The following ITPR2 variants were observed in gnomAD, a reference collection of about 807,000 sequenced individuals.
The protein encoded by ITPR2 is inositol 1,4,5-trisphosphate-gated calcium channel ITPR2.
In ITPR2, 207 loss-of-function variants were observed where a neutral mutation model predicts 317.1. The ratio of observed to expected loss-of-function variants is 0.65; its 90% CI spans 0.58 to 0.73. The LOEUF (loss-of-function observed/expected upper bound fraction) is 0.73, where lower values mean the gene tolerates loss of function less well. Ranked by LOEUF, ITPR2 falls within the 30% of genes least tolerant of loss-of-function variation. The probability of loss-of-function intolerance (pLI) is 0.00; values close to 1 mark genes in which losing one functional copy is unlikely to be tolerated. For missense variants in ITPR2, 2,613 were observed against 3,284.0 expected (o/e 0.80, Z 4.99); for synonymous variants, 1,156 against 1,149.1 (o/e 1.01, Z -0.12).
intron 36 of ITPR2, among the ~76,000 whole-genome samples, chr12:26,554,493 CCA>C (rs1023399768): frequency 1.3e-5 from 2 of 152,160 alleles, no homozygotes; most frequent in African/African-American, 4.8e-5. Context: ...ACTGATTCTG[CCA>C]CAGTGGCATG....
chr12:26,539,512 G>T (rs1228324824), intron 37 of ITPR2, among the ~76,000 whole-genome samples: 1 of 152,070 alleles, frequency 6.6e-6, no homozygotes, highest in Non-Finnish European at 1.5e-5. Context: ...GTTCCTACTG[G>T]ATCCAGGACG....
chr12:26,702,978 A>G (rs1948478481), intron 9 of ITPR2, among the ~76,000 whole-genome samples: 7 of 152,238 alleles, frequency 4.6e-5, no homozygotes, highest in Admixed American at 4.6e-4. Context: ...AATTTCCAGC[A>G]TATCAAATGG....
Position 26,578,795 on chromosome 12 carries a change from G to T in ITPR2, c.4548C>A (p.Ala1516=). ...QPVFIQLLQS[A]FRIYNCTWPN... Reference sequence around the variant, plus strand: ...GCCAGGTGCAATTGTAAATTCTGAAGGCAGATTGCAGTAGCTGAATAAAAA... The same window carrying T: ...GCCAGGTGCAATTGTAAATTCTGAATGCAGATTGCAGTAGCTGAATAAAAA... The change falls in exon 34 of 57, where the codon GCC becomes GCA. Residue 1516 remains alanine, a synonymous_variant. Coordinates refer to ENST00000381340, the MANE Select transcript of ITPR2 (RefSeq NM_002223.4). 6.2e-7 allele frequency: 1 copy of T among 1,610,356 alleles called. No individual in the cohort carries two copies. Among genetic ancestry groups the T allele is most frequent in the Non-Finnish European group, 8.5e-7 (1 of 1,177,288 alleles).
Position 26,621,183 on chromosome 12 carries a change from G to A in ITPR2, c.3402C>T (p.Ser1134=), listed in dbSNP as rs774212387. 14 of 1,613,652 alleles carry A rather than the reference G, an allele frequency of 8.7e-6. No homozygotes were observed. Among genetic ancestry groups the A allele is most frequent in the African/African-American group, 1.3e-5 (1 of 74,870 alleles). ...EKSELWVEKS[S]NYENGEIGES... is the part of the protein sequence containing the mutation. ...CCCCTATTTCTCCATTCTCATAGTT[G>A]CTGCTCTTCTCCACCCATAGCTCAG... is the stretch of plus-strand genomic sequence containing the variant. Residue 1134 remains serine (S), a synonymous_variant, in exon 26 of 57, where the codon AGC becomes AGT. Transcript: ENST00000381340.
chr12:26,787,198 G>A (rs1950270187), intron 2 of ITPR2, among the ~76,000 whole-genome samples: 2 of 152,218 alleles, frequency 1.3e-5, no homozygotes, highest in Admixed American at 1.3e-4. Context: ...CATAAACAAT[G>A]CATCATGGGA....
chr12:26,387,388 T>C, intron 55 of ITPR2, 46 bp downstream of exon 55: 1 of 1,578,292 alleles, frequency 6.3e-7, no homozygotes. Context: ...GATGAAAGCC[T>C]AAAAGATACA....
chr12:26,565,519 TAGATAGATAGAC>T (rs1397349549), intron 34 of ITPR2, among the ~76,000 whole-genome samples: 13 of 135,582 alleles, frequency 9.6e-5, no homozygotes, highest in Admixed American at 5.1e-4. Context: ...GATAGATAGA[TAGATAGATAGAC>T]AGACAGACAG....
At chr12:26,487,682 T>C (rs1373640853) in intron 39 of ITPR2, among the ~76,000 whole-genome samples, 1 of 152,220 alleles carries the variant, frequency 6.6e-6, no homozygotes. Context: ...CAATCCTTGT[T>C]CTCATGAGTT....
rs192671101 is a variant in ITPR2, at chr12:26,435,888, T to C, written c.6769+333A>G. Among the ~76,000 whole-genome samples the C allele has an allele frequency of 7.2e-5, 11 of 152,254 alleles. No individual in the cohort carries two copies. The East Asian group carries it at 2.1e-3, about 29-fold the overall frequency. On this transcript the variant is annotated intron_variant, in intron 48 of 56. Coordinates refer to ENST00000381340, the MANE Select transcript of ITPR2 (RefSeq NM_002223.4). ...AACGCCAGTATTTAGGTAACAACAA[T>C]TAATATTGGGCACAGAACTGTCATT... is the stretch of plus-strand genomic sequence containing the variant.
At chr12:26,814,286 T>C (rs1367315119) in intron 1 of ITPR2, among the ~76,000 whole-genome samples, 1 of 152,124 alleles carries the variant, frequency 6.6e-6, no homozygotes, top group Non-Finnish European at 1.5e-5. Context: ...AATCACAAGG[T>C]TCTCTTTTGG....
At chr12:26,827,201 C>A (rs1353504506) in intron 1 of ITPR2, among the ~76,000 whole-genome samples, 1 of 152,180 alleles carries the variant, frequency 6.6e-6, no homozygotes, top group Non-Finnish European at 1.5e-5. Context: ...ACAAGTATTT[C>A]TTAAATTGAT....
intron 5 of ITPR2, among the ~76,000 whole-genome samples, chr12:26,722,034 T>C (rs1285110103): frequency 2.0e-5 from 3 of 152,188 alleles, no homozygotes; most frequent in Admixed American, 1.3e-4. Flanking sequence ...ACTCCATTAA[T>C]TCAAAGGGCA....
chr12:26,575,646 A>G (rs1422010621), intron 34 of ITPR2, among the ~76,000 whole-genome samples: 1 of 152,226 alleles, frequency 6.6e-6, no homozygotes, highest in South Asian at 2.1e-4. Context: ...AAAAGGAACT[A>G]AAATTTCCTC....
chr12:26,790,168 T>C lies in ITPR2; in HGVS notation c.152A>G (p.Lys51Arg). 6.2e-7 allele frequency: 1 copy of C among 1,612,386 alleles called. No homozygotes were observed. Among genetic ancestry groups the C allele is most frequent in the Non-Finnish European group, 8.5e-7 (1 of 1,178,410 alleles). ...PEAGDLANPP[K>R]KFRDCLFKVC... ...TATGTATTTCTTACCTCTGAACTTC[T>C]TGGGAGGGTTGGCAAGGTCCCCGGC... The change falls in exon 2 of 57, where the codon AAG (lysine) becomes AGG (arginine). Residue 51 changes from lysine (K) to arginine (R), a missense_variant. Physicochemically the swap from Lys to Arg is conservative, Grantham distance 26. Transcript: ENST00000381340.
At chr12:26,628,296 G>T in intron 22 of ITPR2, 134 bp from the exon 23 acceptor site, 1 of 594,394 alleles carries the variant, frequency 1.7e-6, no homozygotes, top group Non-Finnish European at 2.8e-6. Flanking sequence ...AACACCAGTT[G>T]CCACATGTTT....
At position 26,790,194 on chromosome 12, in the gene ITPR2, C is replaced by T. The variant is rs1249391544; in HGVS notation, c.126G>A (p.Glu42=). ...LVDDRCVVHP[E]AGDLANPPKK... is the part of the protein sequence containing the mutation. ...TGGGAGGGTTGGCAAGGTCCCCGGC[C>T]TCTGGGTGCACCACACATCTGTCAT... Residue 42 remains glutamate, a synonymous_variant, in exon 2 of 57, where the codon GAG becomes GAA. Coordinates refer to ENST00000381340, the MANE Select transcript of ITPR2 (RefSeq NM_002223.4). The T allele has an allele frequency of 6.2e-7, 1 of 1,613,776 alleles. No homozygotes were observed. Among genetic ancestry groups the T allele is most frequent in the Non-Finnish European group, 8.5e-7 (1 of 1,179,786 alleles).
At chr12:26,697,716 G>A (rs755341763) in intron 9 of ITPR2, among the ~76,000 whole-genome samples, 3 of 152,080 alleles carry the variant, frequency 2.0e-5, no homozygotes, top group Non-Finnish European at 4.4e-5. Flanking sequence ...AGCTGAGCAT[G>A]AGACTTGCTT....
intron 2 of ITPR2, among the ~76,000 whole-genome samples, chr12:26,728,532 A>C (rs1268263580): frequency 6.6e-6 from 1 of 152,184 alleles, no homozygotes; most frequent in Non-Finnish European, 1.5e-5. Flanking sequence ...GTTCTGGATA[A>C]TAGGAGAGAA....
chr12:26,549,642 C>G lies in ITPR2; in HGVS notation c.5073+605G>C, dbSNP rs970337600. Reference sequence around the variant, plus strand: ...TGTATCACCTTGGGTATCAAACATGCTGCTAGCTATCTCTTAATGAGCACC... The same window carrying G: ...TGTATCACCTTGGGTATCAAACATGGTGCTAGCTATCTCTTAATGAGCACC... On this transcript the variant is annotated intron_variant, in intron 37 of 56. Coordinates refer to ENST00000381340, the MANE Select transcript of ITPR2 (RefSeq NM_002223.4). Among the ~76,000 whole-genome samples, 5 of 152,172 alleles carry G rather than the reference C, an allele frequency of 3.3e-5. No individual in the cohort carries two copies. The South Asian group carries it at 1.0e-3, about 32-fold the overall frequency.
Sources: gnomAD v4.1 joint callset for allele counts (sites outside exome capture counted in the v4.1 genomes callset) on GRCh38, gnomAD v4.1.1 for gene constraint, MANE v1.5 for transcripts, NCBI Gene and HGNC (gene_info 2026-07-23, HGNC 2026-07-21) for gene names.